Variants in PSD3 observed in about 807,000 individuals in gnomAD.
The protein encoded by PSD3 is PH and SEC7 domain-containing protein 3.
In PSD3, 49 loss-of-function variants were observed where a neutral mutation model predicts 105.5. The observed-to-expected ratio is 0.46, with a 90% CI of 0.37 to 0.59. The LOEUF (loss-of-function observed/expected upper bound fraction) is 0.59. Among genes scored for constraint, PSD3 ranks in the 20% least tolerant of loss-of-function variants. The probability of loss-of-function intolerance (pLI) is 0.00; values close to 1 mark genes in which losing one functional copy is unlikely to be tolerated. For synonymous variants in PSD3, 557 were observed against 457.8 expected, an observed-to-expected ratio of 1.22 and a Z score of -2.77; for missense variants, 1,561 against 1,263.8, an observed-to-expected ratio of 1.24 and a Z score of -3.57.
At chr8:18,925,733 T>C (rs1158905371) in intron 2 of PSD3, among the ~76,000 whole-genome samples, 1 of 152,006 alleles carries the variant, frequency 6.6e-6, no homozygotes, top group Non-Finnish European at 1.5e-5. Context: ...GAGAGAGAAG[T>C]CGAAGTCAAA....
chr8:18,903,048 C>A (rs111709284), intron 2 of PSD3, among the ~76,000 whole-genome samples: 1 of 152,036 alleles, frequency 6.6e-6, no homozygotes, highest in Admixed American at 6.6e-5. Flanking sequence ...TCTTGGAGTG[C>A]GAACTTGCTG....
chr8:18,816,779 CT>C, intron 4 of PSD3, among the ~76,000 whole-genome samples: 1 of 152,334 alleles, frequency 6.6e-6, no homozygotes, highest in East Asian at 1.9e-4. Context: ...GACTCACACA[CT>C]GTTCCAGGTA....
intron 12 of PSD3, among the ~76,000 whole-genome samples, chr8:18,576,728 A>T (rs887330598): frequency 6.6e-6 from 1 of 152,084 alleles, no homozygotes; most frequent in Non-Finnish European, 1.5e-5. Flanking sequence ...TAGATTCCAG[A>T]CAAAAACATG....
chr8:18,937,781 T>C (rs1236672176), intron 1 of PSD3, among the ~76,000 whole-genome samples: 3 of 152,210 alleles, frequency 2.0e-5, no homozygotes, highest in Non-Finnish European at 4.4e-5. Flanking sequence ...AAAGAGGAAC[T>C]CGGCCAAGGG....
At chr8:18,622,300 C>A (rs1236337851) in intron 11 of PSD3, among the ~76,000 whole-genome samples, 1 of 152,136 alleles carries the variant, frequency 6.6e-6, no homozygotes, top group Non-Finnish European at 1.5e-5. Flanking sequence ...TTCTTCCCAC[C>A]TCCTCTGTTC....
intron 1 of PSD3, among the ~76,000 whole-genome samples, chr8:18,946,507 G>C (rs964810718): frequency 7.2e-5 from 11 of 152,220 alleles, no homozygotes; most frequent in Admixed American, 7.2e-4. Flanking sequence ...CTTGAGTCCA[G>C]AAGGTTGAGG....
At chr8:18,744,612 T>G (rs1397267762) in intron 9 of PSD3, among the ~76,000 whole-genome samples, 5 of 152,254 alleles carry the variant, frequency 3.3e-5, no homozygotes, top group Admixed American at 3.3e-4. Flanking sequence ...GAAATAATTT[T>G]AGACTTACAA....
rs892723111 is a variant in PSD3 at position 19,046,858 on chromosome 8, GA to G, written c.324+37347del. 2.4e-3 allele frequency among the ~76,000 whole-genome samples: 360 copies of G among 152,026 alleles called. 2 individuals carry two copies. The highest frequency in any genetic ancestry group is 7.0e-3 in the African/African-American group (292 of 41,510). ...CAAGTGAAATAGTTTGTCCTGCAGT[GA>G]AAAAAAGGCCTTAAACTGGGTAGTG... On this transcript the variant is annotated intron_variant, in intron 1 of 1. Transcript: ENST00000521475.
intron 11 of PSD3, among the ~76,000 whole-genome samples, chr8:18,604,065 GTGAAAGC>G (rs1242800511): frequency 1.6e-4 from 24 of 152,192 alleles, no homozygotes; most frequent in Non-Finnish European, 3.1e-4. Context: ...ACCTGAAAAT[GTGAAAGC>G]TACTTTTGAA....
chr8:18,776,992 G>C (rs1485653866), intron 8 of PSD3, among the ~76,000 whole-genome samples: 1 of 151,788 alleles, frequency 6.6e-6, no homozygotes, highest in African/African-American at 2.4e-5. Flanking sequence ...TTTTGTTTCT[G>C]ATTTTATTGA....
chr8:18,982,728 C>T (rs763197881), intron 1 of PSD3, among the ~76,000 whole-genome samples: 2 of 152,192 alleles, frequency 1.3e-5, no homozygotes, highest in South Asian at 2.1e-4. Flanking sequence ...CAGGCCTCAA[C>T]AGTTGGCTTC....
intron 10 of PSD3, among the ~76,000 whole-genome samples, chr8:18,653,498 G>C (rs1364541099): frequency 6.6e-6 from 1 of 152,086 alleles, no homozygotes; most frequent in African/African-American, 2.4e-5. Flanking sequence ...CTCAATATTT[G>C]CTCAGTCTTG....
At chr8:18,907,886 A>G (rs1371080277) in intron 2 of PSD3, among the ~76,000 whole-genome samples, 2 of 152,230 alleles carry the variant, frequency 1.3e-5, no homozygotes, top group Non-Finnish European at 2.9e-5. Flanking sequence ...TGAATTTATT[A>G]AATGTATTGC....
At chr8:18,800,577 G>A (rs563988367) in intron 7 of PSD3, among the ~76,000 whole-genome samples, 1 of 152,198 alleles carries the variant, frequency 6.6e-6, no homozygotes, top group Admixed American at 6.5e-5. Flanking sequence ...ACTGAAAAGT[G>A]TACTTTATTG....
At chr8:18,800,463 A>G (rs1810580009) in intron 7 of PSD3, among the ~76,000 whole-genome samples, 1 of 152,190 alleles carries the variant, frequency 6.6e-6, no homozygotes. Context: ...TGAAGCTAAG[A>G]GGTAATTACT....
Position 18,974,613 on chromosome 8 carries a change from AC to A in PSD3, c.22-38472del, listed in dbSNP as rs1436174630. Among the ~76,000 whole-genome samples, 4 of 151,804 alleles carry A rather than the reference AC, an allele frequency of 2.6e-5. No homozygotes were observed. In the East Asian group the frequency reaches 7.7e-4, roughly 29 times the overall value. On this transcript the variant is annotated intron_variant, in intron 1 of 15. Coordinates refer to ENST00000327040, the MANE Select transcript of PSD3 (RefSeq NM_015310.4). Reference sequence around the variant, plus strand: ...GCAAAAGGAAACCCCACTCCCCTGGACCCTACATTCTAGTGCAGGGAGACTG... The same window carrying A: ...GCAAAAGGAAACCCCACTCCCCTGGACCTACATTCTAGTGCAGGGAGACTG...
chr8:18,795,657 T>C (rs1395221835), intron 8 of PSD3, among the ~76,000 whole-genome samples: 1 of 152,110 alleles, frequency 6.6e-6, no homozygotes, highest in Non-Finnish European at 1.5e-5. Context: ...CCTACCACCT[T>C]AGAACACCAG....
At chr8:18,942,414 C>CA (rs754882922) in intron 1 of PSD3, among the ~76,000 whole-genome samples, 5 of 152,164 alleles carry the variant, frequency 3.3e-5, no homozygotes, top group Non-Finnish European at 5.9e-5. Context: ...AACTTAAGTG[C>CA]AGACAGGGAC....
chr8:18,858,189 C>A (rs1438983463), intron 4 of PSD3, among the ~76,000 whole-genome samples: 1 of 152,150 alleles, frequency 6.6e-6, no homozygotes, highest in African/African-American at 2.4e-5. Context: ...GCAAGTGATA[C>A]AAATTTCTGG....
Sources: allele counts gnomAD v4.1 joint callset (sites outside exome capture counted in the v4.1 genomes callset), GRCh38; gene constraint gnomAD v4.1.1; transcripts MANE v1.5; gene names NCBI Gene and HGNC (gene_info 2026-07-23, HGNC 2026-07-21).